The following COG5 variants were observed in gnomAD, a reference collection of about 807,000 sequenced individuals.
COG5 encodes the protein conserved oligomeric Golgi complex subunit 5.
Under a neutral mutation model 110.4 loss-of-function variants are expected in COG5, and 86 were observed. The ratio of observed to expected loss-of-function variants is 0.78; its 90% confidence interval spans 0.65 to 0.93. The LOEUF is 0.93. COG5 is among the 40% of genes least tolerant of loss of function. The pLI is 0.00. For synonymous variants in COG5, 360 were observed against 334.6 expected (o/e 1.08, Z -0.83); for missense variants, 1,077 against 987.0 (o/e 1.09, Z -1.22).
intron 6 of COG5, among the ~76,000 whole-genome samples, chr7:107,458,350 G>T (rs1316304171): frequency 6.6e-6 from 1 of 152,046 alleles, no homozygotes; most frequent in East Asian, 1.9e-4. Context: ...TTAAAAAACT[G>T]AAAGATAACT....
intron 6 of COG5, among the ~76,000 whole-genome samples, chr7:107,524,761 CTT>C (rs1800604065): frequency 6.6e-6 from 1 of 152,172 alleles, no homozygotes; most frequent in Non-Finnish European, 1.5e-5. Context: ...ACACAATCCA[CTT>C]TGAGATCATT....
intron 19 of COG5, among the ~76,000 whole-genome samples, chr7:107,211,912 C>G (rs971354842): frequency 4.6e-5 from 7 of 152,144 alleles, no homozygotes; most frequent in African/African-American, 1.4e-4. Flanking sequence ...TGGATGAGAG[C>G]TGATTAGAAG....
intron 14 of COG5, among the ~76,000 whole-genome samples, chr7:107,268,870 C>T (rs745832423): frequency 6.6e-6 from 1 of 151,956 alleles, no homozygotes; most frequent in Non-Finnish European, 1.5e-5. Flanking sequence ...TTTATCTGTC[C>T]TTATATTTTA....
intron 6 of COG5, among the ~76,000 whole-genome samples, chr7:107,523,372 TACTCA>T (rs1217966311): frequency 2.6e-5 from 4 of 151,836 alleles, no homozygotes; most frequent in Non-Finnish European, 5.9e-5. Flanking sequence ...ATTGAAACCT[TACTCA>T]ACTCTTTTAT....
intron 21 of COG5, chr7:107,207,709 G>A: frequency 1.1e-6 from 1 of 943,350 alleles, no homozygotes; most frequent in South Asian, 4.9e-5. Flanking sequence ...CCTGATGCAG[G>A]CTGAACACAT....
At chr7:107,216,413 A>AT (rs1248376760) in intron 19 of COG5, among the ~76,000 whole-genome samples, 1 of 152,250 alleles carries the variant, frequency 6.6e-6, no homozygotes, top group East Asian at 1.9e-4. Context: ...CAACAGACAT[A>AT]TACAGCATAT....
intron 6 of COG5, among the ~76,000 whole-genome samples, chr7:107,495,052 A>G (rs879576463): frequency 5.3e-5 from 8 of 152,168 alleles, no homozygotes; most frequent in Admixed American, 2.0e-4. Flanking sequence ...TCAGAGAGGA[A>G]TCTACCCTTA....
intron 21 of COG5, among the ~76,000 whole-genome samples, chr7:107,207,645 C>G (rs116687749): frequency 2.0e-5 from 3 of 152,200 alleles, no homozygotes; most frequent in South Asian, 4.1e-4. Context: ...CCCACAGGCA[C>G]GAGCCAGGCG....
chr7:107,521,704 C>A (rs1412180403), intron 6 of COG5, among the ~76,000 whole-genome samples: 3 of 152,202 alleles, frequency 2.0e-5, no homozygotes, highest in African/African-American at 7.2e-5. Context: ...ATTAGTTCAA[C>A]AGTTGTGGAA....
intron 6 of COG5, among the ~76,000 whole-genome samples, chr7:107,484,450 T>C (rs1200122750): frequency 1.3e-5 from 2 of 152,162 alleles, no homozygotes; most frequent in Non-Finnish European, 2.9e-5. Context: ...GCTGATTACA[T>C]GTCTCAGCAT....
At position 107,474,231 on chromosome 7, in the gene COG5, C is replaced by G; in HGVS notation, c.538+53006G>C. On this transcript the variant is annotated intron_variant, in intron 6 of 21. Coordinates refer to ENST00000297135, the MANE Select transcript of COG5 (RefSeq NM_006348.5). This position sits in a 1 kb window ranked among gnomAD's most constrained non-coding sequence, Gnocchi z 5.7. The stretch of plus-strand genomic sequence containing the variant: ...TGTTAGAAATTGTGTTGGGACTTGG[C>G]AGCAACCTCACTGTATTGGTACTTT... 1.2e-6 allele frequency: 2 copies of G among 1,613,002 alleles called. No homozygotes were observed. The highest frequency in any genetic ancestry group is 1.7e-6 in the Non-Finnish European group (2 of 1,179,242).
chr7:107,529,645 G>A (rs1363822690), intron 5 of COG5, among the ~76,000 whole-genome samples: 1 of 152,202 alleles, frequency 6.6e-6, no homozygotes, highest in Non-Finnish European at 1.5e-5. Context: ...AAGGAGCCAG[G>A]CTATAAAGTC....
chr7:107,415,794 A>ATGTG, intron 6 of COG5, among the ~76,000 whole-genome samples: 1 of 138,202 alleles, frequency 7.2e-6, no homozygotes, highest in South Asian at 2.3e-4. Context: ...ACACGTATGT[A>ATGTG]TGTATGTGTG....
chr7:107,239,667 G>A (rs555641268), intron 17 of COG5, among the ~76,000 whole-genome samples: 1 of 152,032 alleles, frequency 6.6e-6, no homozygotes, highest in Admixed American at 6.5e-5. Context: ...TATTTTACTT[G>A]TTTAAACAAA....
intron 21 of COG5, chr7:107,208,005 C>G: frequency 1.0e-6 from 1 of 985,418 alleles, no homozygotes; most frequent in Non-Finnish European, 1.2e-6. Flanking sequence ...ATTTAAAGAG[C>G]AATACTCACC....
rs570071183 is a variant in COG5, at chr7:107,201,549, A to T, written c.*1967T>A. 18 of 577,808 alleles carry T rather than the reference A, an allele frequency of 3.1e-5. No individual in the cohort carries two copies. In the South Asian group the frequency reaches 4.4e-4, roughly 14 times the overall value. 35.8% of individuals were successfully genotyped at this position (577,808 alleles called of 1,614,324 possible). A position where few individuals can be genotyped will look rare whatever the true frequency, so the allele number is the denominator to read the frequency against. On this transcript the variant is annotated 3_prime_UTR_variant, in exon 22 of 22. Coordinates refer to ENST00000297135, the MANE Select transcript of COG5 (RefSeq NM_006348.5). ...CAATTCGTGTGACCATAAGATACTG[A>T]TAGCATTGAGTCTTGAAATGATTTA...
chr7:107,265,676 T>C (rs1337111607), intron 14 of COG5, among the ~76,000 whole-genome samples: 1 of 152,246 alleles, frequency 6.6e-6, no homozygotes, highest in Non-Finnish European at 1.5e-5. Context: ...TTATAACTTG[T>C]CAATTATCCT....
At chr7:107,294,884 TGTGTGTGTGTGTGTGTG>T (rs1806489743) in intron 12 of COG5, among the ~76,000 whole-genome samples, 1 of 722 alleles carries the variant, frequency 1.4e-3, no homozygotes, top group East Asian at 0.17. Flanking sequence ...CCTGGATTTG[TGTGTGTGTGTGTGTGTG>T]TGTGTGTGTG....
At chr7:107,501,488 C>T (rs1355375875) in intron 6 of COG5, among the ~76,000 whole-genome samples, 1 of 151,932 alleles carries the variant, frequency 6.6e-6, no homozygotes, top group Non-Finnish European at 1.5e-5. Flanking sequence ...ATGCTTGCAA[C>T]TTTAAAATGT....
Sources: gnomAD v4.1 joint callset for allele counts (sites outside exome capture counted in the v4.1 genomes callset) on GRCh38, gnomAD v4.1.1 for gene constraint, Gnocchi (gnomAD v3.1) non-coding constraint, MANE v1.5 for transcripts, NCBI Gene and HGNC (gene_info 2026-07-23, HGNC 2026-07-21) for gene names.